MATN2: variants seen among roughly 807,000 people sequenced by gnomAD.
The protein encoded by MATN2 is matrilin 2, also known as matrilin-2.
Under a neutral mutation model 103.2 loss-of-function variants are expected in MATN2, and 69 were observed. That is an observed-to-expected ratio of 0.67 (90% confidence interval 0.55 to 0.82). The LOEUF (loss-of-function observed/expected upper bound fraction) is 0.82. Among genes scored for constraint, MATN2 ranks in the 40% least tolerant of loss-of-function variants. MATN2 has a pLI of 0.00. For synonymous variants in MATN2, 429 were observed against 450.2 expected, an observed-to-expected ratio of 0.95 and a Z score of 0.60; for missense variants, 1,023 against 1,211.5, an observed-to-expected ratio of 0.84 and a Z score of 2.31.
chr8:98,030,534 C>T lies in MATN2; in HGVS notation c.2429C>T (p.Thr810Ile). The change falls in exon 15 of 19, where the codon ACA (threonine) becomes ATA (isoleucine). Residue 810 changes from threonine (T) to isoleucine (I), a missense_variant. By Grantham distance (89) the Thr-to-Ile change is moderately conservative. Transcript: ENST00000254898. ...EELQEIASEPTNKHLFYAEDF... is the reference protein window; with the variant it reads ...EELQEIASEPINKHLFYAEDF... ...CTACAAGAGATTGCCTCTGAGCCCA[C>T]AAACAAGCATCTCTTCTATGCCGAA... is the stretch of plus-strand genomic sequence containing the variant. 1 of 1,613,882 alleles carries T rather than the reference C, an allele frequency of 6.2e-7. No individual in the cohort carries two copies. Among genetic ancestry groups the T allele is most frequent in the South Asian group, 1.1e-5 (1 of 91,082 alleles).
At chr8:97,889,247 G>A (rs917188351) in intron 2 of MATN2, among the ~76,000 whole-genome samples, 1 of 151,906 alleles carries the variant, frequency 6.6e-6, no homozygotes, top group Non-Finnish European at 1.5e-5. Context: ...AAAGAGCCCT[G>A]TTTTCAGAGG....
chr8:97,923,898 A>G (rs1809899314), intron 2 of MATN2, among the ~76,000 whole-genome samples: 1 of 152,140 alleles, frequency 6.6e-6, no homozygotes, highest in African/African-American at 2.4e-5. Flanking sequence ...CCCTATAATT[A>G]CAGTAACTTT....
At chr8:97,993,765 T>C (rs892131507) in intron 6 of MATN2, among the ~76,000 whole-genome samples, 2 of 152,180 alleles carry the variant, frequency 1.3e-5, no homozygotes, top group African/African-American at 4.8e-5. Context: ...ATTGTTTGGC[T>C]CATTGTTTGA....
intron 4 of MATN2, among the ~76,000 whole-genome samples, chr8:97,942,827 C>T (rs1586072831): frequency 6.6e-6 from 1 of 152,244 alleles, no homozygotes; most frequent in East Asian, 1.9e-4. Context: ...TTTATAGAGG[C>T]CAACCACCTT....
intron 1 of MATN2, among the ~76,000 whole-genome samples, chr8:97,877,338 A>G (rs1818111579): frequency 6.6e-6 from 1 of 151,812 alleles, no homozygotes; most frequent in African/African-American, 2.4e-5. Context: ...TTAGCCGGGC[A>G]TGGTGGTGCA....
At chr8:97,972,831 T>C (rs1169981817) in intron 5 of MATN2, among the ~76,000 whole-genome samples, 1 of 152,246 alleles carries the variant, frequency 6.6e-6, no homozygotes, top group Non-Finnish European at 1.5e-5. Context: ...GGAGAATTAC[T>C]CTTTCCATTT....
intron 2 of MATN2, among the ~76,000 whole-genome samples, chr8:97,926,424 G>A (rs906566346): frequency 3.9e-5 from 6 of 152,188 alleles, no homozygotes; most frequent in African/African-American, 1.4e-4. Flanking sequence ...GTTTTAGAGT[G>A]TTCCCAGGTA....
rs765883327 is a variant in MATN2 at position 98,007,182 on chromosome 8, T to C, written c.1405T>C (p.Cys469Arg). The C allele has an allele frequency of 5.0e-6, 8 of 1,613,828 alleles. No homozygotes were observed. The highest frequency in any genetic ancestry group is 6.8e-6 in the Non-Finnish European group (8 of 1,179,888). ...CACGGAGGATTCCTTCGTCTGCCAG[T>C]GCTCAGAAGGCTTCCTCATCAACGA... ...LNTEDSFVCQ[C>R]SEGFLINEDL... Residue 469 changes from cysteine to arginine, a missense_variant, in exon 9 of 19, where the codon TGC becomes CGC. By Grantham distance (180) the Cys-to-Arg change is radical. Transcript: ENST00000254898. The surrounding 1 kb of genome is among the most constrained non-coding windows in gnomAD (Gnocchi z 4.2).
At chr8:97,905,555 C>A (rs1166600035) in intron 2 of MATN2, among the ~76,000 whole-genome samples, 2 of 152,128 alleles carry the variant, frequency 1.3e-5, no homozygotes, top group African/African-American at 4.8e-5. Flanking sequence ...TGTATCAGAA[C>A]TTCATTCTTT....
chr8:98,002,909 A>G (rs1291506179), intron 7 of MATN2, among the ~76,000 whole-genome samples: 2 of 152,102 alleles, frequency 1.3e-5, no homozygotes, highest in Non-Finnish European at 2.9e-5. Context: ...TCACCTGTTT[A>G]GAGCCTTCAC....
intron 1 of MATN2, among the ~76,000 whole-genome samples, chr8:97,880,179 G>A (rs970377344): frequency 6.0e-5 from 9 of 149,760 alleles, no homozygotes; most frequent in Non-Finnish European, 1.5e-5. Flanking sequence ...TGCCTCTCGC[G>A]TTCAAATGAT....
chr8:98,013,536 GCCAACA>G (rs1263471603), intron 10 of MATN2, among the ~76,000 whole-genome samples: 4 of 152,202 alleles, frequency 2.6e-5, no homozygotes, highest in Non-Finnish European at 5.9e-5. Context: ...TATGGCCACT[GCCAACA>G]TCTCACCTCT....
chr8:97,913,615 A>ATTT (rs34387422), intron 2 of MATN2, among the ~76,000 whole-genome samples: 1 of 121,810 alleles, frequency 8.2e-6, no homozygotes. Flanking sequence ...GCACCCTGCC[A>ATTT]TTTTTTTTTT....
At chr8:97,951,811 C>A (rs1182153309) in intron 4 of MATN2, among the ~76,000 whole-genome samples, 2 of 152,136 alleles carry the variant, frequency 1.3e-5, no homozygotes, top group African/African-American at 4.8e-5. Flanking sequence ...TTCAGAGATT[C>A]CCCCCTTCCT....
chr8:97,998,643 A>T (rs1417338825), intron 7 of MATN2, among the ~76,000 whole-genome samples: 5 of 147,378 alleles, frequency 3.4e-5, no homozygotes, highest in African/African-American at 1.0e-4. Flanking sequence ...GCTTCAGCAT[A>T]TTTTTTTATA....
intron 12 of MATN2, among the ~76,000 whole-genome samples, chr8:98,019,445 T>C (rs765263032): frequency 2.0e-5 from 3 of 152,224 alleles, no homozygotes; most frequent in Non-Finnish European, 4.4e-5. Flanking sequence ...TTCAAGTGAT[T>C]GGATGAGGCC....
intron 4 of MATN2, 145 bp downstream of exon 4, chr8:97,942,044 T>A (rs3018906): frequency 0.36 from 372,811 of 1,028,288 alleles, 70,177 homozygotes; most frequent in East Asian, 0.57. Flanking sequence ...GTTTGGTATT[T>A]TCTGTTGACC....
chr8:97,900,573 T>G (rs1426037555), intron 2 of MATN2, among the ~76,000 whole-genome samples: 1 of 152,228 alleles, frequency 6.6e-6, no homozygotes, highest in East Asian at 1.9e-4. Flanking sequence ...TCTCCGGCTC[T>G]TAATCCCCCA....
At chr8:98,030,716 G>A in intron 15 of MATN2, 102 bp downstream of exon 15, 5 of 1,128,764 alleles carry the variant, frequency 4.4e-6, no homozygotes, top group South Asian at 3.0e-5. Context: ...AGGCTGGAGT[G>A]CAGTGGCACA....
Sources: gnomAD v4.1 joint callset for allele counts (sites outside exome capture counted in the v4.1 genomes callset) on GRCh38, gnomAD v4.1.1 for gene constraint, Gnocchi (gnomAD v3.1) non-coding constraint, MANE v1.5 for transcripts, NCBI Gene and HGNC (gene_info 2026-07-23, HGNC 2026-07-21) for gene names.